Variants in PLXNA4 observed in about 807,000 individuals in gnomAD.
The protein encoded by PLXNA4 is plexin A4.
In PLXNA4, 44 loss-of-function variants were observed where a neutral mutation model predicts 191.8. The ratio of observed to expected loss-of-function variants is 0.23; its 90% confidence interval spans 0.18 to 0.29. The LOEUF (loss-of-function observed/expected upper bound fraction) is 0.29, where lower values mean the gene tolerates loss of function less well. Ranked by LOEUF, PLXNA4 falls within the 10% of genes least tolerant of loss-of-function variation. PLXNA4 has a pLI of 1.00. For missense variants in PLXNA4, 1,800 were observed against 2,488.8 expected (o/e 0.72, Z 5.89); for synonymous variants, 1,082 against 1,009.5 (o/e 1.07, Z -1.36).
At chr7:132,177,107 GTA>G (rs1796499817) in intron 20 of PLXNA4, among the ~76,000 whole-genome samples, 1 of 152,078 alleles carries the variant, frequency 6.6e-6, no homozygotes, top group Non-Finnish European at 1.5e-5. Flanking sequence ...GTGAGTGTAT[GTA>G]TGTGAAAGCA....
intron 3 of PLXNA4, chr7:132,383,866 C>G (rs930426129): frequency 1.0e-6 from 1 of 985,280 alleles, no homozygotes. Context: ...TTAGAATTCC[C>G]AACAGCCATG....
chr7:132,455,129 G>A lies in PLXNA4; in HGVS notation c.1371+34163C>T, dbSNP rs186651538. On this transcript the variant is annotated intron_variant, in intron 3 of 31. Transcript: ENST00000321063. ...TGTCAGCCTGCAGCCTCGCCTGGAC[G>A]CTGTTTGCACTCACACACACTGGCA... 5.5e-4 allele frequency among the ~76,000 whole-genome samples: 84 copies of A among 152,314 alleles called. 1 individual carries two copies. The highest frequency in any genetic ancestry group is 1.6e-3 in the African/African-American group (66 of 41,592).
At chr7:132,188,692 T>C (rs571371573) in intron 14 of PLXNA4, among the ~76,000 whole-genome samples, 58 of 152,088 alleles carry the variant, frequency 3.8e-4, no homozygotes, top group Non-Finnish European at 8.8e-5. Flanking sequence ...AAGGAATAGC[T>C]TGTCATTTTG....
chr7:132,281,168 A>G (rs1245353840), intron 4 of PLXNA4, among the ~76,000 whole-genome samples: 4 of 152,242 alleles, frequency 2.6e-5, no homozygotes, highest in Non-Finnish European at 1.5e-5. Context: ...ACTTAGTGAT[A>G]CAAGGCTCTA....
chr7:132,221,404 G>A (rs530092294), intron 9 of PLXNA4, among the ~76,000 whole-genome samples: 3 of 152,318 alleles, frequency 2.0e-5, no homozygotes, highest in African/African-American at 7.2e-5. Context: ...CTGGAGAGAA[G>A]CTGAGGACCA....
intron 3 of PLXNA4, among the ~76,000 whole-genome samples, chr7:132,318,850 C>G (rs1802052456): frequency 6.6e-6 from 1 of 151,918 alleles, no homozygotes; most frequent in African/African-American, 2.4e-5. Context: ...CGGGTCTCTG[C>G]CTGTGTGTTT....
At chr7:132,428,996 T>TGTCTGCCTGCTGGTCAGCTGGG (rs1795159885) in intron 3 of PLXNA4, among the ~76,000 whole-genome samples, 1 of 152,062 alleles carries the variant, frequency 6.6e-6, no homozygotes, top group Non-Finnish European at 1.5e-5. Flanking sequence ...GGCACTCCTA[T>TGTCTGCCTGCTGGTCAGCTGGG]GTCTGCCTGC....
chr7:132,305,923 C>G (rs2116549976), intron 3 of PLXNA4, among the ~76,000 whole-genome samples: 1 of 152,236 alleles, frequency 6.6e-6, no homozygotes, highest in African/African-American at 2.4e-5. Context: ...GAGCTGGGCC[C>G]AGGTATAAGA....
chr7:132,604,923 C>T (rs1018766636), intron 2 of PLXNA4, among the ~76,000 whole-genome samples: 1 of 152,244 alleles, frequency 6.6e-6, no homozygotes, highest in East Asian at 1.9e-4. Context: ...GCACTTCCCT[C>T]TTGTCCCAGC....
intron 3 of PLXNA4, among the ~76,000 whole-genome samples, chr7:132,326,995 G>A (rs1410840634): frequency 8.7e-6 from 1 of 114,642 alleles, no homozygotes; most frequent in East Asian, 2.6e-4. Context: ...AAGCGAAGGA[G>A]GGAGGGAAGG....
chr7:132,562,845 TC>T (rs1301877509), intron 1 of PLXNA4, among the ~76,000 whole-genome samples: 4 of 77,496 alleles, frequency 5.2e-5, no homozygotes, highest in Non-Finnish European at 1.0e-4. Flanking sequence ...CTCCTTCTCT[TC>T]CTTTCTCCTC....
intron 3 of PLXNA4, among the ~76,000 whole-genome samples, chr7:132,446,097 T>G (rs1795902322): frequency 6.6e-6 from 1 of 152,142 alleles, no homozygotes; most frequent in South Asian, 2.1e-4. Flanking sequence ...GGTGTGGTCT[T>G]GAGCACAAGA....
chr7:132,571,848 AT>A (rs1001239828), intron 1 of PLXNA4, among the ~76,000 whole-genome samples: 1 of 152,022 alleles, frequency 6.6e-6, no homozygotes, highest in African/African-American at 2.4e-5. Flanking sequence ...TCATTTACTC[AT>A]TTTTTCCTGG....
intron 1 of PLXNA4, among the ~76,000 whole-genome samples, chr7:132,524,351 T>C (rs796919731): frequency 1.3e-5 from 2 of 152,350 alleles, no homozygotes; most frequent in African/African-American, 4.8e-5. Context: ...CAGTACAGGC[T>C]ACTTTATAAA....
At chr7:132,498,588 G>T (rs1473509424) in intron 2 of PLXNA4, among the ~76,000 whole-genome samples, 1 of 152,186 alleles carries the variant, frequency 6.6e-6, no homozygotes, top group Non-Finnish European at 1.5e-5. Flanking sequence ...GATCTGGATG[G>T]GGACATAGCC....
intron 3 of PLXNA4, chr7:132,384,563 C>T (rs953638673): frequency 1.1e-5 from 11 of 987,948 alleles, no homozygotes; most frequent in Non-Finnish European, 1.2e-5. Flanking sequence ...TCTCCTGGAC[C>T]AGATGCCAAC....
intron 3 of PLXNA4, among the ~76,000 whole-genome samples, chr7:132,416,689 T>C (rs367971819): frequency 1.5e-3 from 224 of 152,324 alleles, no homozygotes; most frequent in Middle Eastern, 6.8e-3. Context: ...ACATTGAACA[T>C]TTGTAAAATA....
chr7:132,544,954 T>C (rs1284097308), intron 1 of PLXNA4, among the ~76,000 whole-genome samples: 1 of 152,246 alleles, frequency 6.6e-6, no homozygotes, highest in African/African-American at 2.4e-5. Context: ...TGTGCTACAA[T>C]AGAGGGGACT....
intron 3 of PLXNA4, among the ~76,000 whole-genome samples, chr7:132,354,966 G>C (rs776678195): frequency 6.6e-6 from 1 of 152,198 alleles, no homozygotes; most frequent in Non-Finnish European, 1.5e-5. Context: ...GGGTGTTCAG[G>C]ATCCAAGTAC....
Sources: allele counts gnomAD v4.1 joint callset (sites outside exome capture counted in the v4.1 genomes callset), GRCh38; gene constraint gnomAD v4.1.1; transcripts MANE v1.5; gene names NCBI Gene and HGNC (gene_info 2026-07-23, HGNC 2026-07-21).